The following CWF19L2 variants were observed in gnomAD, a reference collection of about 807,000 sequenced individuals.
CWF19L2 encodes CWF19 like cell cycle control factor 2, also known as CWF19-like protein 2.
Under a neutral mutation model 111.7 loss-of-function variants are expected in CWF19L2, and 98 were observed. The ratio of observed to expected loss-of-function variants is 0.88; its 90% confidence interval spans 0.75 to 1.04. The LOEUF (loss-of-function observed/expected upper bound fraction) is 1.04, where lower values mean the gene tolerates loss of function less well. Among genes scored for constraint, CWF19L2 ranks in the 50% least tolerant of loss-of-function variants. CWF19L2 has a pLI of 0.00. For missense variants in CWF19L2, 1,101 were observed against 1,051.4 expected (o/e 1.05, Z -0.65); for synonymous variants, 351 against 342.9 (o/e 1.02, Z -0.26).
intron 14 of CWF19L2, among the ~76,000 whole-genome samples, chr11:107,346,809 C>A (rs985448111): frequency 6.6e-6 from 1 of 152,194 alleles, no homozygotes; most frequent in East Asian, 1.9e-4. Context: ...CCACCTCCAG[C>A]CTTCTTCCCC....
chr11:107,394,001 G>A (rs1455088320), intron 10 of CWF19L2, among the ~76,000 whole-genome samples: 3 of 151,990 alleles, frequency 2.0e-5, no homozygotes, highest in African/African-American at 7.2e-5. Context: ...TAAAAAACCT[G>A]CATATGCAAC....
chr11:107,344,046 C>T (rs1860043290), intron 14 of CWF19L2, among the ~76,000 whole-genome samples: 1 of 152,142 alleles, frequency 6.6e-6, no homozygotes, highest in Non-Finnish European at 1.5e-5. Context: ...GAAACCCAGT[C>T]TACTAAAAAT....
intron 12 of CWF19L2, among the ~76,000 whole-genome samples, chr11:107,369,940 ACTC>A (rs1860484415): frequency 7.3e-6 from 1 of 137,788 alleles, no homozygotes; most frequent in African/African-American, 2.9e-5. Flanking sequence ...ACGGGATCTC[ACTC>A]TGTAGCCCAG....
chr11:107,390,206 T>C lies in CWF19L2; in HGVS notation c.1740A>G (p.Ser580=). 2 of 1,597,592 alleles carry C rather than the reference T, an allele frequency of 1.3e-6. No individual in the cohort carries two copies. The highest frequency in any genetic ancestry group is 1.7e-6 in the Non-Finnish European group (2 of 1,172,704). ...QGGRRKRQMV[S]THEERERVRY... is the part of the protein sequence containing the mutation. ...TGACCCTTTCTCTTTCCTCATGGGT[T>C]GAAACCTATGACAAAATGAACATTA... Residue 580 remains serine, a synonymous_variant, in exon 12 of 18, where the codon TCA becomes TCG. Transcript: ENST00000282251.
At chr11:107,354,778 A>T (rs1279282801) in intron 12 of CWF19L2, among the ~76,000 whole-genome samples, 1 of 152,220 alleles carries the variant, frequency 6.6e-6, no homozygotes, top group Non-Finnish European at 1.5e-5. Context: ...TTGGCACATG[A>T]CTGCAGTTAT....
chr11:107,457,241 G>C (rs1053123668), intron 1 of CWF19L2, among the ~76,000 whole-genome samples: 9 of 152,198 alleles, frequency 5.9e-5, no homozygotes, highest in African/African-American at 1.7e-4. Flanking sequence ...AGAGCTTACA[G>C]TAAGTCTGGA....
rs1861661346 is a variant in CWF19L2, at chr11:107,443,522, G to A, written c.340-473C>T. On this transcript the variant is annotated intron_variant, in intron 3 of 17. Coordinates refer to ENST00000282251, the MANE Select transcript of CWF19L2 (RefSeq NM_152434.3). ...AAAGAAAAAACATATAAACCCACTA[G>A]TTTGAGTTAAGCCCACCAAACACAA... Among the ~76,000 whole-genome samples, 3 of 152,032 alleles carry A rather than the reference G, an allele frequency of 2.0e-5. No individual in the cohort carries two copies. The South Asian group carries it at 6.3e-4, about 32-fold the overall frequency.
intron 10 of CWF19L2, among the ~76,000 whole-genome samples, chr11:107,412,831 T>C (rs987834943): frequency 3.3e-5 from 5 of 152,128 alleles, no homozygotes; most frequent in African/African-American, 7.2e-5. Flanking sequence ...TATCAAACCA[T>C]GGAAAGACAG....
intron 3 of CWF19L2, among the ~76,000 whole-genome samples, chr11:107,448,149 T>C (rs548566432): frequency 7.2e-4 from 110 of 151,804 alleles, no homozygotes; most frequent in African/African-American, 2.5e-3. Context: ...ATCCAGACCA[T>C]CCTGGCCAAC....
At chr11:107,403,632 C>T (rs1020937781) in intron 10 of CWF19L2, 2 of 775,364 alleles carry the variant, frequency 2.6e-6, no homozygotes, top group Admixed American at 1.7e-5. Context: ...ATGTTCTCCT[C>T]GTCTTTCTTC....
At chr11:107,363,304 A>G (rs1318876439) in intron 12 of CWF19L2, among the ~76,000 whole-genome samples, 1 of 152,166 alleles carries the variant, frequency 6.6e-6, no homozygotes, top group Non-Finnish European at 1.5e-5. Flanking sequence ...CAACGTTCAG[A>G]TTCAGGAAGT....
At chr11:107,445,536 G>A (rs544159390) in intron 3 of CWF19L2, among the ~76,000 whole-genome samples, 56 of 151,946 alleles carry the variant, frequency 3.7e-4, no homozygotes, top group Admixed American at 1.8e-3. Flanking sequence ...CCCGGGAGGC[G>A]GGGGTTGTGG....
rs373873483 is a variant in CWF19L2, at chr11:107,374,377, T to C, written c.1872+15697A>G. Among the ~76,000 whole-genome samples the C allele has an allele frequency of 5.3e-4, 70 of 132,348 alleles. 1 individual carries two copies. The East Asian group carries it at 8.1e-3, about 15-fold the overall frequency. The allele number at this position is 132,348 out of a possible 152,430, so 86.8% of individuals were successfully genotyped here. ...GTTAAGGGCAGCCAGAGAGAAAGGT[T>C]GGGTTACCCTCAAAGGGAAGCCCAT... On this transcript the variant is annotated intron_variant, in intron 12 of 17. Coordinates refer to ENST00000282251, the MANE Select transcript of CWF19L2 (RefSeq NM_152434.3).
At chr11:107,448,689 T>TG (rs1452465879) in intron 3 of CWF19L2, among the ~76,000 whole-genome samples, 1 of 152,162 alleles carries the variant, frequency 6.6e-6, no homozygotes, top group East Asian at 1.9e-4. Flanking sequence ...TAATAGGGGC[T>TG]GAGGCCTTTG....
At chr11:107,437,822 T>C (rs1283527677) in intron 6 of CWF19L2, among the ~76,000 whole-genome samples, 2 of 152,306 alleles carry the variant, frequency 1.3e-5, no homozygotes, top group East Asian at 1.9e-4. Flanking sequence ...AAGAAATTTA[T>C]GGACCATCCT....
intron 12 of CWF19L2, among the ~76,000 whole-genome samples, chr11:107,359,598 C>G (rs1860292669): frequency 1.3e-5 from 2 of 152,008 alleles, no homozygotes; most frequent in Non-Finnish European, 2.9e-5. Flanking sequence ...CTCTACCGGT[C>G]TAGAGGTTTT....
Position 107,416,269 on chromosome 11 carries a change from A to G in CWF19L2, c.1557T>C (p.Leu519=). 6.7e-7 allele frequency: 1 copy of G among 1,487,160 alleles called. No individual in the cohort carries two copies. The highest frequency in any genetic ancestry group is 9.0e-7 in the Non-Finnish European group (1 of 1,108,772). The allele number at this position is 1,487,160 out of a possible 1,614,324, so 92.1% of individuals were successfully genotyped here. Reference sequence around the variant, plus strand: ...TTTCTTTGAATTTATTTGCCTTTTCAAGTTGAACTTTAAGTTGTTCAGCTA... The same window carrying G: ...TTTCTTTGAATTTATTTGCCTTTTCGAGTTGAACTTTAAGTTGTTCAGCTA... The part of the protein sequence containing the change: ...MELAEQLKVQ[L]EKANKFKETI... Residue 519 remains leucine (L), a synonymous_variant, in exon 10 of 18, where the codon CTT becomes CTC. Coordinates refer to ENST00000282251, the MANE Select transcript of CWF19L2 (RefSeq NM_152434.3).
chr11:107,374,475 TAAAGA>T (rs1200915124), intron 12 of CWF19L2, among the ~76,000 whole-genome samples: 2 of 132,400 alleles, frequency 1.5e-5, no homozygotes, highest in Non-Finnish European at 3.2e-5. Context: ...TCAACATTCT[TAAAGA>T]AAAGAATTTT....
In CWF19L2 at chr11:107,336,707, T is replaced by C. The variant is rs941988438; in HGVS notation, c.2209A>G (p.Arg737Gly). Residue 737 changes from arginine to glycine, a missense_variant, in exon 15 of 18, where the codon AGA becomes GGA. Physicochemically the swap from Arg to Gly is moderately radical, Grantham distance 125 (BLOSUM62 -2). Coordinates refer to ENST00000282251, the MANE Select transcript of CWF19L2 (RefSeq NM_152434.3). ...EDIWEEIQMF[R>G]KSLVKMFEDK... ...TCAAACATCTTTACCAATGATTTTC[T>C]GAACATCTAAAAAAAAAAAAGAACT... 3 of 1,450,694 alleles carry C rather than the reference T, an allele frequency of 2.1e-6. No homozygotes were observed. Among genetic ancestry groups the C allele is most frequent in the African/African-American group, 2.9e-5 (2 of 68,042 alleles). The allele number at this position is 1,450,694 out of a possible 1,614,324, so 89.9% of individuals were successfully genotyped here.
Sources: gnomAD v4.1 joint callset for allele counts (sites outside exome capture counted in the v4.1 genomes callset) on GRCh38, gnomAD v4.1.1 for gene constraint, MANE v1.5 for transcripts, NCBI Gene and HGNC (gene_info 2026-07-23, HGNC 2026-07-21) for gene names.